CDC14A: variants seen among roughly 807,000 people sequenced by gnomAD.
CDC14A encodes cell division cycle 14A.
CDC14A carries 53 observed loss-of-function variants against 74.4 expected under a neutral mutation model. The observed-to-expected ratio is 0.71, with a 90% CI of 0.57 to 0.89. The LOEUF is 0.89. CDC14A is among the 40% of genes least tolerant of loss of function. The pLI is 0.00. For synonymous variants in CDC14A, 247 were observed against 258.4 expected, an observed-to-expected ratio of 0.96 and a Z score of 0.43; for missense variants, 646 against 713.7, an observed-to-expected ratio of 0.91 and a Z score of 1.08.
chr1:100,478,356 G>A (rs1669126672), intron 10 of CDC14A, among the ~76,000 whole-genome samples: 2 of 151,438 alleles, frequency 1.3e-5, no homozygotes, highest in Non-Finnish European at 2.9e-5. Context: ...CCTGACCTTG[G>A]GTATCATTAT....
At chr1:100,406,895 C>T (rs777886293) in intron 4 of CDC14A, among the ~76,000 whole-genome samples, 1 of 151,050 alleles carries the variant, frequency 6.6e-6, no homozygotes, top group Non-Finnish European at 1.5e-5. Context: ...CATTGGACTC[C>T]AGCCTGGGCA....
chr1:100,419,506 GT>G (rs1483493172), intron 4 of CDC14A, among the ~76,000 whole-genome samples: 1 of 152,234 alleles, frequency 6.6e-6, no homozygotes, highest in Non-Finnish European at 1.5e-5. Context: ...AAGTTACACA[GT>G]GCTAAGGAAA....
chr1:100,372,890 A>C (rs897974240), intron 2 of CDC14A, among the ~76,000 whole-genome samples: 7 of 152,248 alleles, frequency 4.6e-5, no homozygotes, highest in African/African-American at 1.7e-4. Flanking sequence ...GCTTTGGATG[A>C]GGCTTTGGCT....
intron 10 of CDC14A, among the ~76,000 whole-genome samples, chr1:100,475,787 C>T (rs1668833154): frequency 1.3e-5 from 2 of 152,166 alleles, no homozygotes; most frequent in Admixed American, 1.3e-4. Context: ...TGTGACACCA[C>T]TCCAGCTGAC....
chr1:100,476,562 C>T (rs569451511), intron 10 of CDC14A, among the ~76,000 whole-genome samples: 3 of 151,886 alleles, frequency 2.0e-5, no homozygotes, highest in Admixed American at 2.0e-4. Flanking sequence ...TTACTTAGGT[C>T]TCAAGGTTCC....
intron 4 of CDC14A, among the ~76,000 whole-genome samples, chr1:100,398,074 C>T (rs1008660222): frequency 1.3e-5 from 2 of 152,208 alleles, no homozygotes; most frequent in African/African-American, 4.8e-5. Flanking sequence ...AGCAAGTTAA[C>T]TTATCCAAAC....
rs568602835 is a variant in CDC14A, at chr1:100,384,374, A to G, written c.217-6358A>G. On this transcript the variant is annotated intron_variant, in intron 3 of 15. Coordinates refer to ENST00000336454, the MANE Select transcript of CDC14A (RefSeq NM_003672.4). The stretch of plus-strand genomic sequence containing the variant: ...TACTAAATTCCACCTTTTATCTACT[A>G]TATTTTTTCCTTGTTAAATGAAACA... Among the ~76,000 whole-genome samples the G allele has an allele frequency of 5.3e-4, 81 of 152,146 alleles. 2 individuals carry two copies. Among genetic ancestry groups the G allele is most frequent in the Admixed American group, 7.2e-4 (11 of 15,272 alleles).
chr1:100,351,720 A>T, upstream of CDC14A: 2 of 1,548,892 alleles, frequency 1.3e-6, no homozygotes, highest in African/African-American at 1.4e-5. Flanking sequence ...TTTTGCGCTC[A>T]CATTGGCGGC....
chr1:100,395,100 G>T (rs996482725), intron 4 of CDC14A, among the ~76,000 whole-genome samples: 1 of 152,092 alleles, frequency 6.6e-6, no homozygotes, highest in African/African-American at 2.4e-5. Context: ...CTAAAATGTG[G>T]AATCGGCCCT....
intron 5 of CDC14A, among the ~76,000 whole-genome samples, chr1:100,437,154 C>G (rs556574770): frequency 2.4e-4 from 37 of 152,284 alleles, no homozygotes; most frequent in Admixed American, 6.5e-4. Flanking sequence ...CCACTGCACT[C>G]CAGCCTGGGT....
chr1:100,455,406 G>A lies in CDC14A; in HGVS notation c.521G>A (p.Arg174Gln), dbSNP rs956059173. ...FDVDEYEHYE[R>Q]VENGDFNWIV... ...TCTTTTCTTACAAAATTCTGCCAGC[G>A]AGTTGAAAATGGTGACTTCAACTGG... Residue 174 changes from arginine (R) to glutamine (Q), a missense_variant and splice_region_variant, in exon 8 of 16, where the codon CGA becomes CAA. Arg to Gln is a conservative substitution (Grantham distance 43). Coordinates refer to ENST00000336454, the MANE Select transcript of CDC14A (RefSeq NM_003672.4). 9 of 1,593,414 alleles carry A rather than the reference G, an allele frequency of 5.6e-6. No homozygotes were observed. Among genetic ancestry groups the A allele is most frequent in the East Asian group, 2.3e-5 (1 of 44,384 alleles).
chr1:100,417,840 T>G (rs1031422922), intron 4 of CDC14A, among the ~76,000 whole-genome samples: 4 of 152,222 alleles, frequency 2.6e-5, no homozygotes, highest in African/African-American at 9.7e-5. Flanking sequence ...CTTATATGTT[T>G]AAAGTAGCTG....
chr1:100,423,482 C>G (rs1662593405), intron 4 of CDC14A, among the ~76,000 whole-genome samples: 1 of 152,246 alleles, frequency 6.6e-6, no homozygotes, highest in East Asian at 1.9e-4. Context: ...ATTGTCTTTG[C>G]CCCACAAGCA....
chr1:100,504,284 C>G (rs1649041259), intron 15 of CDC14A, among the ~76,000 whole-genome samples: 1 of 152,188 alleles, frequency 6.6e-6, no homozygotes, highest in Non-Finnish European at 1.5e-5. Flanking sequence ...GGGATATTCT[C>G]ATAGTGAAGG....
intron 4 of CDC14A, among the ~76,000 whole-genome samples, chr1:100,420,051 C>CATATATATATATATATATAT (rs1430165704): frequency 2.0e-4 from 3 of 14,818 alleles, no homozygotes; most frequent in African/African-American, 7.5e-4. Flanking sequence ...CACACACACA[C>CATATATATATATATATATAT]ACACACACAC....
At chr1:100,455,315 A>G in intron 7 of CDC14A, 90 bp from the exon 8 acceptor site, 1 of 778,576 alleles carries the variant, frequency 1.3e-6, no homozygotes, top group Non-Finnish European at 2.2e-6. Flanking sequence ...TAGTACTAAG[A>G]GTGAAAAGCA....
intron 8 of CDC14A, among the ~76,000 whole-genome samples, chr1:100,459,118 C>CAGAGAGAGAGAGAGAGAGAGAGAG (rs1413867196): frequency 1.4e-5 from 2 of 145,816 alleles, no homozygotes; most frequent in African/African-American, 5.2e-5. Context: ...CACACACACA[C>CAGAGAGAGAGAGAGAGAGAGAGAG]ACACACACAG....
intron 5 of CDC14A, among the ~76,000 whole-genome samples, chr1:100,438,042 C>A (rs1351051866): frequency 1.3e-5 from 2 of 151,974 alleles, no homozygotes; most frequent in Admixed American, 6.5e-5. Context: ...TATAAAGTTA[C>A]ATCCAATTAT....
chr1:100,485,652 G>A (rs552309880), intron 11 of CDC14A, among the ~76,000 whole-genome samples: 3 of 152,134 alleles, frequency 2.0e-5, no homozygotes, highest in Non-Finnish European at 4.4e-5. Context: ...CATTAGACCC[G>A]GACAAGGGCC....
Sources: gnomAD v4.1 joint callset for allele counts (sites outside exome capture counted in the v4.1 genomes callset) on GRCh38, gnomAD v4.1.1 for gene constraint, MANE v1.5 for transcripts, NCBI Gene and HGNC (gene_info 2026-07-23, HGNC 2026-07-21) for gene names.